Variants in CAND1 observed in about 807,000 individuals in gnomAD.
CAND1 encodes cullin-associated NEDD8-dissociated protein 1.
In CAND1, 7 loss-of-function variants were observed where a neutral mutation model predicts 108.5. The observed-to-expected ratio is 0.06, with a 90% confidence interval of 0.04 to 0.12. The LOEUF (loss-of-function observed/expected upper bound fraction) is 0.12, where lower values mean the gene tolerates loss of function less well. Among genes scored for constraint, CAND1 ranks in the 10% least tolerant of loss-of-function variants. CAND1 has a pLI of 1.00. For missense variants in CAND1, 941 were observed against 1,448.7 expected, an observed-to-expected ratio of 0.65 and a Z score of 5.69; for synonymous variants, 534 against 512.0, an observed-to-expected ratio of 1.04 and a Z score of -0.58.
Position 67,313,039 on chromosome 12 carries a change from T to A in CAND1, c.*209T>A. The A allele has an allele frequency of 2.2e-6, 1 of 457,546 alleles. No homozygotes were observed. Among genetic ancestry groups the A allele is most frequent in the South Asian group, 3.8e-5 (1 of 26,398 alleles). 28.3% of individuals were successfully genotyped at this position (457,546 alleles called of 1,614,324 possible). On this transcript the variant is annotated 3_prime_UTR_variant, in exon 15 of 15. Coordinates refer to ENST00000545606, the MANE Select transcript of CAND1 (RefSeq NM_018448.5). ...GTGTATTTCCATAATCCAGAGGTTGTAAAACCACTAGTGTTTTAGTGGTTA... is the reference window on the plus strand; with the variant it reads ...GTGTATTTCCATAATCCAGAGGTTGAAAAACCACTAGTGTTTTAGTGGTTA...
intron 8 of CAND1, among the ~76,000 whole-genome samples, chr12:67,304,115 G>C (rs111804964): frequency 2.7e-5 from 4 of 150,732 alleles, no homozygotes; most frequent in African/African-American, 7.3e-5. Context: ...TCAGCCTCCC[G>C]AGTAGCTGGG....
chr12:67,309,808 C>CA (rs1432945778), intron 11 of CAND1, 93 bp from the exon 12 acceptor site: 1 of 900,806 alleles, frequency 1.1e-6, no homozygotes, highest in African/African-American at 1.7e-5. Context: ...ATGACACCAG[C>CA]AAAAATAAAT....
intron 4 of CAND1, among the ~76,000 whole-genome samples, chr12:67,295,889 A>C (rs1280026173): frequency 1.3e-5 from 2 of 152,294 alleles, no homozygotes; most frequent in East Asian, 1.9e-4. Context: ...AATGGGACTA[A>C]AGACTAACTG....
rs1177195607 is a variant in CAND1, at chr12:67,318,616, C to T, written c.*5786C>T. 2 of 152,196 alleles carry T rather than the reference C, an allele frequency of 1.3e-5. No individual in the cohort carries two copies. The highest frequency in any genetic ancestry group is 2.9e-5 in the Non-Finnish European group (2 of 68,034). The allele number at this position is 152,196 out of a possible 1,614,324, so 9.4% of individuals were successfully genotyped here. ...ATGCTTTTGGCTTAAGACCTCTTTT[C>T]CTCCTTATCTATTGACTGGACTGCG... On this transcript the variant is annotated 3_prime_UTR_variant, in exon 15 of 15. Coordinates refer to ENST00000545606, the MANE Select transcript of CAND1 (RefSeq NM_018448.5).
At position 67,284,308 on chromosome 12, in the gene CAND1, G is replaced by C. The variant is rs369820655; in HGVS notation, c.212+2255G>C. On this transcript the variant is annotated intron_variant, in intron 2 of 14. Transcript: ENST00000545606. The stretch of plus-strand genomic sequence containing the variant: ...AAAAAAGAAAGAAAACTATAGATTA[G>C]CTTCATTTAAATGTTCAAAATAAAA... Among the ~76,000 whole-genome samples the C allele has an allele frequency of 4.0e-5, 6 of 151,896 alleles. No individual in the cohort carries two copies. In the East Asian group the frequency reaches 7.7e-4, roughly 20 times the overall value.
chr12:67,297,909 ATAAGGTC>A (rs1043249553), intron 6 of CAND1, 56 bp downstream of exon 6: 122 of 979,788 alleles, frequency 1.2e-4, no homozygotes, highest in Non-Finnish European at 1.8e-4. Flanking sequence ...GAGTAGAATC[ATAAGGTC>A]TACATTAGGT....
At position 67,313,428 on chromosome 12, in the gene CAND1, G is replaced by A. The variant is rs1324252514; in HGVS notation, c.*598G>A. Reference sequence around the variant, plus strand: ...CCTGTTGCGCACACTAATTTTGCATGAGTAAGTTTACAAATATGTATCGTC... The same window carrying A: ...CCTGTTGCGCACACTAATTTTGCATAAGTAAGTTTACAAATATGTATCGTC... On this transcript the variant is annotated 3_prime_UTR_variant, in exon 15 of 15. Coordinates refer to ENST00000545606, the MANE Select transcript of CAND1 (RefSeq NM_018448.5). 1 of 152,562 alleles carries A rather than the reference G, an allele frequency of 6.6e-6. No homozygotes were observed. 9.5% of individuals were successfully genotyped at this position (152,562 alleles called of 1,614,324 possible).
chr12:67,317,246 CCA>C lies in CAND1; in HGVS notation c.*4418_*4419del, dbSNP rs1238873689. ...AGCTTCCTGGGCACAAGTGATTCTCCCACCTCAGCCTCCCGAGTAGCTGGGAG... is the reference window on the plus strand; with the variant it reads ...AGCTTCCTGGGCACAAGTGATTCTCCCCTCAGCCTCCCGAGTAGCTGGGAG... On this transcript the variant is annotated 3_prime_UTR_variant, in exon 15 of 15. Coordinates refer to ENST00000545606, the MANE Select transcript of CAND1 (RefSeq NM_018448.5). 1 of 152,292 alleles carries C rather than the reference CCA, an allele frequency of 6.6e-6. No individual in the cohort carries two copies. Among genetic ancestry groups the C allele is most frequent in the East Asian group, 1.9e-4 (1 of 5,200 alleles). 9.4% of individuals were successfully genotyped at this position (152,292 alleles called of 1,614,324 possible).
In CAND1 at chr12:67,296,196, A is replaced by G. The variant is rs147790228; in HGVS notation, c.491+1040A>G. Among the ~76,000 whole-genome samples the G allele has an allele frequency of 9.3e-3, 1,413 of 152,280 alleles. 27 individuals carry two copies. Among genetic ancestry groups the G allele is most frequent in the African/African-American group, 0.032 (1,345 of 41,550 alleles). The stretch of plus-strand genomic sequence containing the variant: ...ATTCAGACTTTTTGTCCTGTGCATG[A>G]TTTAATCACGAACACTGATTGTCCT... On this transcript the variant is annotated intron_variant, in intron 4 of 14. Transcript: ENST00000545606.
intron 1 of CAND1, among the ~76,000 whole-genome samples, chr12:67,279,174 CAAAAAA>C (rs3970784): frequency 7.1e-6 from 1 of 140,076 alleles, no homozygotes; most frequent in African/African-American, 2.6e-5. Context: ...TCCCCACCAC[CAAAAAA>C]AAAAAAAAAA....
chr12:67,280,141 T>C (rs1378295944), intron 1 of CAND1, among the ~76,000 whole-genome samples: 1 of 152,236 alleles, frequency 6.6e-6, no homozygotes, highest in Non-Finnish European at 1.5e-5. Context: ...ACTGATCTTG[T>C]ATTGCCCTAA....
In CAND1 at chr12:67,304,816, A is replaced by G. The variant is rs567028673; in HGVS notation, c.1435+70A>G. 8 of 1,540,040 alleles carry G rather than the reference A, an allele frequency of 5.2e-6. No individual in the cohort carries two copies. In the South Asian group the frequency reaches 9.6e-5, roughly 18 times the overall value. On this transcript the variant is annotated intron_variant, in intron 9 of 14. Transcript: ENST00000545606. The stretch of plus-strand genomic sequence containing the variant: ...TTTGTTAGGACTTAGATAAGCTTAA[A>G]TAATTGTTTCCTTTTAAAGGAATAT...
intron 2 of CAND1, among the ~76,000 whole-genome samples, chr12:67,283,887 G>T (rs1192682373): frequency 6.6e-6 from 1 of 151,944 alleles, no homozygotes; most frequent in Admixed American, 6.6e-5. Flanking sequence ...AGGAGTTGGG[G>T]AGAAATAACA....
chr12:67,269,892 C>A, intron 1 of CAND1, 107 bp downstream of exon 1: 1 of 923,298 alleles, frequency 1.1e-6, no homozygotes, highest in Non-Finnish European at 1.7e-6. Flanking sequence ...GGTAGCTTCT[C>A]TGCCCCGAAG....
At chr12:67,271,096 AT>A in intron 1 of CAND1, among the ~76,000 whole-genome samples, 1 of 152,354 alleles carries the variant, frequency 6.6e-6, no homozygotes, top group South Asian at 2.1e-4. Flanking sequence ...TTTAAAAAAT[AT>A]TTCTACCTAG....
Position 67,314,436 on chromosome 12 carries a change from A to T in CAND1, c.*1606A>T, listed in dbSNP as rs1302593433. 1 of 152,230 alleles carries T rather than the reference A, an allele frequency of 6.6e-6. No individual in the cohort carries two copies. The highest frequency in any genetic ancestry group is 1.9e-4 in the East Asian group (1 of 5,204). 9.4% of individuals were successfully genotyped at this position (152,230 alleles called of 1,614,324 possible). On this transcript the variant is annotated 3_prime_UTR_variant, in exon 15 of 15. Transcript: ENST00000545606. Reference sequence around the variant, plus strand: ...GTGCATTGATGTTGAAGTTGGTGCCATTTCAAAATGTGGCAGGTGATAATC... The same window carrying T: ...GTGCATTGATGTTGAAGTTGGTGCCTTTTCAAAATGTGGCAGGTGATAATC...
intron 2 of CAND1, among the ~76,000 whole-genome samples, chr12:67,286,038 C>T (rs781694326): frequency 2.0e-5 from 3 of 152,062 alleles, no homozygotes; most frequent in Non-Finnish European, 2.9e-5. Flanking sequence ...GACAGATTCT[C>T]GCTCAGTCGC....
At chr12:67,292,556 C>A in intron 2 of CAND1, 66 bp from the exon 3 acceptor site, 1 of 1,146,938 alleles carries the variant, frequency 8.7e-7, no homozygotes, top group Non-Finnish European at 1.2e-6. Context: ...AACATTTCTA[C>A]TTATGTATTT....
intron 1 of CAND1, among the ~76,000 whole-genome samples, chr12:67,275,568 C>A (rs1232033540): frequency 6.6e-6 from 1 of 151,952 alleles, no homozygotes; most frequent in Non-Finnish European, 1.5e-5. Context: ...TCATAGCACT[C>A]TAAGGAATAA....
Sources: allele counts gnomAD v4.1 joint callset (sites outside exome capture counted in the v4.1 genomes callset), GRCh38; gene constraint gnomAD v4.1.1; transcripts MANE v1.5; gene names NCBI Gene and HGNC (gene_info 2026-07-23, HGNC 2026-07-21).